Variants in POC1B observed in about 807,000 individuals in gnomAD.
The protein encoded by POC1B is POC1 centriolar protein homolog B.
In POC1B, 44 loss-of-function variants were observed where a neutral mutation model predicts 60.6. The ratio of observed to expected loss-of-function variants is 0.73; its 90% CI spans 0.57 to 0.93. The LOEUF (loss-of-function observed/expected upper bound fraction) is 0.93, where lower values mean the gene tolerates loss of function less well. Among genes scored for constraint, POC1B ranks in the 40% least tolerant of loss-of-function variants. The pLI is 0.00. For missense variants in POC1B, 555 were observed against 572.3 expected, an observed-to-expected ratio of 0.97 and a Z score of 0.31; for synonymous variants, 180 against 198.9, an observed-to-expected ratio of 0.90 and a Z score of 0.80.
At chr12:89,463,665 C>A (rs1882564989) in intron 9 of POC1B, among the ~76,000 whole-genome samples, 1 of 152,144 alleles carries the variant, frequency 6.6e-6, no homozygotes, top group Admixed American at 6.5e-5. Context: ...GCCAGGAGTA[C>A]TACGAAGGAT....
chr12:89,494,207 T>TTTTA (rs147367654), intron 3 of POC1B, among the ~76,000 whole-genome samples: 13,681 of 151,950 alleles, frequency 0.09, 761 homozygotes, highest in Middle Eastern at 0.16. Context: ...GCCCAGCTAA[T>TTTTA]TTTATTTTTT....
intron 10 of POC1B, among the ~76,000 whole-genome samples, chr12:89,448,288 A>C (rs576553522): frequency 8.5e-5 from 13 of 152,254 alleles, no homozygotes; most frequent in African/African-American, 3.1e-4. Context: ...TTAAAAAACA[A>C]CAAAACAAAC....
chr12:89,410,342 C>T, the POC1B span, among the ~76,000 whole-genome samples: 4 of 152,144 alleles, frequency 2.6e-5, no homozygotes, highest in African/African-American at 9.7e-5. Flanking sequence ...AACCCACAGC[C>T]AATATCATAC....
intron 4 of POC1B, among the ~76,000 whole-genome samples, chr12:89,478,351 T>A (rs1883198758): frequency 6.6e-6 from 1 of 152,184 alleles, no homozygotes; most frequent in Admixed American, 6.5e-5. Flanking sequence ...ACTCCTGGCC[T>A]CAAGTGATCC....
chr12:89,502,580 C>G, intron 2 of POC1B: 1 of 1,211,124 alleles, frequency 8.3e-7, no homozygotes, highest in South Asian at 1.3e-5. Context: ...TCCTTTGCAG[C>G]CAGCAATGGT....
Position 89,524,931 on chromosome 12 carries a change from G to T in POC1B, c.100+189C>A, listed in dbSNP as rs537621100. 5.9e-5 allele frequency: 55 copies of T among 925,222 alleles called. No individual in the cohort carries two copies. The African/African-American group carries it at 8.8e-4, about 15-fold the overall frequency. 57.3% of individuals were successfully genotyped at this position (925,222 alleles called of 1,614,324 possible). A position where few individuals can be genotyped will look rare whatever the true frequency, so the allele number is the denominator to read the frequency against. On this transcript the variant is annotated intron_variant, in intron 2 of 11. Coordinates refer to ENST00000313546, the MANE Select transcript of POC1B (RefSeq NM_172240.3). The stretch of plus-strand genomic sequence containing the variant: ...ATAGGAGGCTCTTGGCCGGGCCGGG[G>T]GCTGGGGGCCGGGATGGCAGAGGGG...
chr12:89,491,877 G>A, intron 4 of POC1B, 59 bp downstream of exon 4: 1 of 1,364,520 alleles, frequency 7.3e-7, no homozygotes. Flanking sequence ...GGAAGTTGGG[G>A]GCAAACATGA....
chr12:89,483,259 T>A (rs999778818), intron 4 of POC1B, among the ~76,000 whole-genome samples: 1 of 152,172 alleles, frequency 6.6e-6, no homozygotes, highest in African/African-American at 2.4e-5. Flanking sequence ...TATAAGGGGC[T>A]TTTCCCCCTT....
At chr12:89,405,963 A>G in the POC1B span, among the ~76,000 whole-genome samples, 5 of 151,354 alleles carry the variant, frequency 3.3e-5, no homozygotes, top group African/African-American at 1.2e-4. Flanking sequence ...TATCCCTTAA[A>G]AAAAAAAAAG....
intron 4 of POC1B, among the ~76,000 whole-genome samples, chr12:89,489,097 A>G (rs1868804597): frequency 6.6e-6 from 1 of 152,156 alleles, no homozygotes; most frequent in Non-Finnish European, 1.5e-5. Context: ...AAAATTGTCA[A>G]CCCAAGTTAC....
intron 7 of POC1B, 80 bp from the exon 8 acceptor site, chr12:89,467,765 C>T (rs1297490790): frequency 7.1e-6 from 8 of 1,125,210 alleles, no homozygotes; most frequent in Non-Finnish European, 1.3e-6. Flanking sequence ...ATATCAATTT[C>T]TCATCCTAAT....
rs866507106 is a variant in POC1B at position 89,425,646 on chromosome 12, T to C, written c.1114-267A>G. Reference sequence around the variant, plus strand: ...ACTTTCCATACACTGATCTGAGGGATCTACCATTAAAAAGATTGTTAGATG... The same window carrying C: ...ACTTTCCATACACTGATCTGAGGGACCTACCATTAAAAAGATTGTTAGATG... On this transcript the variant is annotated intron_variant, in intron 10 of 11. Coordinates refer to ENST00000313546, the MANE Select transcript of POC1B (RefSeq NM_172240.3). 3 of 260,142 alleles carry C rather than the reference T, an allele frequency of 1.2e-5. No individual in the cohort carries two copies. The South Asian group carries it at 2.8e-4, about 25-fold the overall frequency. 16.1% of individuals were successfully genotyped at this position (260,142 alleles called of 1,614,324 possible). A position where few individuals can be genotyped will look rare whatever the true frequency, so the allele number is the denominator to read the frequency against.
At chr12:89,434,038 G>A (rs1565895121) in intron 10 of POC1B, among the ~76,000 whole-genome samples, 1 of 152,186 alleles carries the variant, frequency 6.6e-6, no homozygotes, top group Non-Finnish European at 1.5e-5. Flanking sequence ...AGTGGATTAT[G>A]TATCCTTGTA....
rs190530384 is a variant in POC1B at position 89,500,491 on chromosome 12, G to A, written c.101-3149C>T. The A allele has an allele frequency of 3.8e-4, 604 of 1,594,288 alleles. 1 individual carries two copies. The African/African-American group carries it at 6.4e-3, about 17-fold the overall frequency. On this transcript the variant is annotated intron_variant, in intron 2 of 11. Coordinates refer to ENST00000313546, the MANE Select transcript of POC1B (RefSeq NM_172240.3). ...TTAGTTCCAAAAATACACCTGACTT[G>A]AAAAAAATGTGAAGTAGAAACATAA...
rs879022125 is a variant in POC1B at position 89,500,925 on chromosome 12, G to A, written c.101-3583C>T. ...TTTAGAAACAGTAAAACGAAAAAGTGAATCCAGTCCCATTGTTAGGCATGG... is the reference window on the plus strand; with the variant it reads ...TTTAGAAACAGTAAAACGAAAAAGTAAATCCAGTCCCATTGTTAGGCATGG... On this transcript the variant is annotated intron_variant, in intron 2 of 11. Transcript: ENST00000313546. The A allele has an allele frequency of 3.4e-5, 33 of 977,736 alleles. No homozygotes were observed. In the South Asian group the frequency reaches 5.0e-4, roughly 15 times the overall value. The allele number at this position is 977,736 out of a possible 1,614,324, so 60.6% of individuals were successfully genotyped here. A position where few individuals can be genotyped will look rare whatever the true frequency, so the allele number is the denominator to read the frequency against.
chr12:89,463,325 C>T (rs75876472), intron 9 of POC1B, among the ~76,000 whole-genome samples: 2,240 of 152,290 alleles, frequency 0.015, 79 homozygotes, highest in East Asian at 0.11. Flanking sequence ...TATTTTGATG[C>T]TTTACTGTCA....
At chr12:89,507,884 A>T (rs1869979979) in intron 2 of POC1B, among the ~76,000 whole-genome samples, 1 of 152,198 alleles carries the variant, frequency 6.6e-6, no homozygotes, top group Non-Finnish European at 1.5e-5. Context: ...CTCTGTCTGG[A>T]ACACTATTTT....
rs1012896734 is a variant in POC1B at position 89,420,868 on chromosome 12, T to A, written c.*285A>T. On this transcript the variant is annotated 3_prime_UTR_variant, in exon 12 of 12. Coordinates refer to ENST00000313546, the MANE Select transcript of POC1B (RefSeq NM_172240.3). ...TGGCCTATAAATGAAAATGGACATT[T>A]AAAATAATATGGGGAAAATACAGAG... 3.7e-6 allele frequency: 1 copy of A among 270,454 alleles called. No homozygotes were observed. Among genetic ancestry groups the A allele is most frequent in the Non-Finnish European group, 6.9e-6 (1 of 143,936 alleles). The allele number at this position is 270,454 out of a possible 1,614,324, so 16.8% of individuals were successfully genotyped here. A position where few individuals can be genotyped will look rare whatever the true frequency, so the allele number is the denominator to read the frequency against.
At chr12:89,514,436 T>C (rs1341325934) in intron 2 of POC1B, among the ~76,000 whole-genome samples, 1 of 98,688 alleles carries the variant, frequency 1.0e-5, no homozygotes, top group East Asian at 3.5e-4. Flanking sequence ...TTAGACGAAG[T>C]CTTACTCTGT....
Sources: gnomAD v4.1 joint callset for allele counts (sites outside exome capture counted in the v4.1 genomes callset) on GRCh38, gnomAD v4.1.1 for gene constraint, MANE v1.5 for transcripts, NCBI Gene and HGNC (gene_info 2026-07-23, HGNC 2026-07-21) for gene names.